The following ARK2N variants were observed in gnomAD, a reference collection of about 807,000 sequenced individuals.
ARK2N encodes protein ARK2N.
the ARK2N span, among the ~76,000 whole-genome samples, chr18:46,248,547 C>T: frequency 6.6e-6 from 1 of 152,142 alleles, no homozygotes; most frequent in Non-Finnish European, 1.5e-5. Flanking sequence ...TTTCCTTTTC[C>T]ACGTAGGCTT....
chr18:46,241,970 C>G, the ARK2N span, among the ~76,000 whole-genome samples: 3 of 152,018 alleles, frequency 2.0e-5, no homozygotes, highest in African/African-American at 4.8e-5. Context: ...GCGCGCACCA[C>G]CACGCCTGGC....
At chr18:46,216,200 A>G in the ARK2N span, 1 of 1,613,954 alleles carries the variant, frequency 6.2e-7, no homozygotes, top group African/African-American at 1.3e-5. The surrounding 1 kb of genome is among the most constrained non-coding windows in gnomAD (Gnocchi z 4.3). Context: ...GCTGATTCAG[A>G]TACGTTGTCT....
chr18:46,187,715 A>T, the ARK2N span, among the ~76,000 whole-genome samples: 2 of 152,248 alleles, frequency 1.3e-5, no homozygotes, highest in South Asian at 4.1e-4. Context: ...TCTTGACTTC[A>T]GTTTATTTAG....
At chr18:46,249,068 G>C in the ARK2N span, among the ~76,000 whole-genome samples, 1 of 152,150 alleles carries the variant, frequency 6.6e-6, no homozygotes, top group Non-Finnish European at 1.5e-5. Context: ...GGCAGAGTCT[G>C]ATCCCTGGAT....
chr18:46,226,122 A>G, the ARK2N span, among the ~76,000 whole-genome samples: 2,941 of 152,202 alleles, frequency 0.019, 75 homozygotes, highest in African/African-American at 0.06. Context: ...ATTATTCCAC[A>G]TGTCATTTAA....
At chr18:46,219,473 CT>C in the ARK2N span, among the ~76,000 whole-genome samples, 2,806 of 138,734 alleles carry the variant, frequency 0.02, 63 homozygotes, top group African/African-American at 0.063. Flanking sequence ...CAAGTGATTT[CT>C]TTTTTTTTTT....
At chr18:46,186,483 C>T in the ARK2N span, among the ~76,000 whole-genome samples, 47 of 148,540 alleles carry the variant, frequency 3.2e-4, no homozygotes, top group Non-Finnish European at 5.2e-4. Context: ...AGTGAGCCAC[C>T]GCACCCAACT....
At chr18:46,253,305 G>T in the ARK2N span, among the ~76,000 whole-genome samples, 22 of 152,060 alleles carry the variant, frequency 1.4e-4, no homozygotes, top group Non-Finnish European at 1.5e-5. Context: ...AGGTGGTTAC[G>T]CAGGTCGTTT....
chr18:46,175,495 G>C, the ARK2N span, among the ~76,000 whole-genome samples: 1 of 151,548 alleles, frequency 6.6e-6, no homozygotes, highest in East Asian at 1.9e-4. Context: ...CCAGTAATCA[G>C]AGCATTGCCT....
the ARK2N span, among the ~76,000 whole-genome samples, chr18:46,242,604 A>G: frequency 6.6e-6 from 1 of 152,162 alleles, no homozygotes; most frequent in East Asian, 1.9e-4. Flanking sequence ...AGCTATCCTA[A>G]ATTGGATATT....
At chr18:46,194,878 A>G in the ARK2N span, among the ~76,000 whole-genome samples, 1 of 147,446 alleles carries the variant, frequency 6.8e-6, no homozygotes, top group African/African-American at 2.5e-5. Flanking sequence ...ATCTTGACTC[A>G]CTGCAACCTC....
chr18:46,207,515 G>A, the ARK2N span, among the ~76,000 whole-genome samples: 1 of 150,080 alleles, frequency 6.7e-6, no homozygotes, highest in African/African-American at 2.4e-5. Context: ...TCAGCCTCCC[G>A]AGTAGCTGGG....
chr18:46,239,698 T>G, the ARK2N span, among the ~76,000 whole-genome samples: 6 of 152,346 alleles, frequency 3.9e-5, no homozygotes, highest in East Asian at 3.9e-4. Context: ...GAGTCATCCT[T>G]TTTTTCTTAA....
chr18:46,194,803 TA>T, the ARK2N span, among the ~76,000 whole-genome samples: 3 of 92,550 alleles, frequency 3.2e-5, no homozygotes, highest in Non-Finnish European at 6.9e-5. Flanking sequence ...TAAATTTAAT[TA>T]ATTTTTTTTT....
At chr18:46,197,232 G>A in the ARK2N span, among the ~76,000 whole-genome samples, 3 of 152,120 alleles carry the variant, frequency 2.0e-5, no homozygotes, top group East Asian at 3.9e-4. Context: ...TCCCAAGATT[G>A]CCCAAAAGTC....
the ARK2N span, among the ~76,000 whole-genome samples, chr18:46,245,310 A>G: frequency 6.6e-6 from 1 of 152,080 alleles, no homozygotes; most frequent in Non-Finnish European, 1.5e-5. Context: ...GCTCACGCCT[A>G]TAATCCTGGC....
At chr18:46,217,858 C>A in the ARK2N span, 1 of 152,054 alleles carries the variant, frequency 6.6e-6, no homozygotes, top group Non-Finnish European at 1.5e-5. Context: ...TGAAGCTCAT[C>A]AGTTAAATGT....
chr18:46,218,203 A>G, the ARK2N span: 7 of 152,214 alleles, frequency 4.6e-5, no homozygotes, highest in Non-Finnish European at 5.9e-5. Context: ...TAAATAGGTT[A>G]GATGTGCTTT....
At chr18:46,243,428 G>T in the ARK2N span, among the ~76,000 whole-genome samples, 5 of 152,086 alleles carry the variant, frequency 3.3e-5, no homozygotes, top group Non-Finnish European at 7.4e-5. Context: ...CTCAACCCAG[G>T]TCCACAGCCC....
Sources: allele counts gnomAD v4.1 joint callset (sites outside exome capture counted in the v4.1 genomes callset), GRCh38; gene constraint gnomAD v4.1.1; non-coding constraint Gnocchi (gnomAD v3.1); transcripts MANE v1.5; gene names NCBI Gene and HGNC (gene_info 2026-07-23, HGNC 2026-07-21).